Variants in C3orf20 observed in about 807,000 individuals in gnomAD.
C3orf20 encodes the protein uncharacterized protein C3orf20.
C3orf20 carries 76 observed loss-of-function variants against 88.3 expected under a neutral mutation model. The ratio of observed to expected loss-of-function variants is 0.86; its 90% CI spans 0.72 to 1.04. C3orf20 has a LOEUF of 1.04. Among genes scored for constraint, C3orf20 ranks in the 50% least tolerant of loss-of-function variants. The pLI is 0.00. For missense variants in C3orf20, 1,056 were observed against 1,123.3 expected (o/e 0.94, Z 0.86); for synonymous variants, 436 against 437.4 (o/e 1.00, Z 0.04).
chr3:14,691,031 C>G (rs1355137244), intron 5 of C3orf20, among the ~76,000 whole-genome samples: 1 of 152,248 alleles, frequency 6.6e-6, no homozygotes, highest in Non-Finnish European at 1.5e-5. Context: ...TATTTCATCA[C>G]TCACCATATC....
rs774931901 is a variant in C3orf20 at position 14,728,473 on chromosome 3, G to T, written c.1725G>T (p.Glu575Asp). ...CCATTGAATATCCCACCAAAAAGGA[G>T]GAGGAAGAATTTGTTCGGTTCAAGA... Reference protein sequence around the residue: ...LFTIEYPTKKEEEEFVRFKMR... With the variant: ...LFTIEYPTKKDEEEFVRFKMR... The change falls in exon 12 of 17, where the codon GAG becomes GAT. Residue 575 changes from glutamate to aspartate, a missense_variant. Transcript: ENST00000253697. The T allele has an allele frequency of 1.2e-6, 2 of 1,614,194 alleles. No individual in the cohort carries two copies. Among genetic ancestry groups the T allele is most frequent in the Non-Finnish European group, 1.7e-6 (2 of 1,180,028 alleles).
In C3orf20 at chr3:14,759,387, C is replaced by T. The variant is rs372663836; in HGVS notation, c.2245-504C>T. Among the ~76,000 whole-genome samples, 40 of 152,262 alleles carry T rather than the reference C, an allele frequency of 2.6e-4. 1 individual carries two copies. The South Asian group carries it at 2.9e-3, about 11-fold the overall frequency. ...GGCCAGCTTTCCTCTGAATTGCCCA[C>T]ACCCTACCTTGAGGTGTGGGTTCAG... On this transcript the variant is annotated intron_variant, in intron 13 of 16. Coordinates refer to ENST00000253697, the MANE Select transcript of C3orf20 (RefSeq NM_032137.5).
At chr3:14,679,949 A>G (rs1426093959) in intron 1 of C3orf20, among the ~76,000 whole-genome samples, 3 of 152,246 alleles carry the variant, frequency 2.0e-5, no homozygotes, top group African/African-American at 7.2e-5. Flanking sequence ...GGAAATACAA[A>G]TCAGAACCAC....
Position 14,759,776 on chromosome 3 carries a change from G to A in C3orf20, c.2245-115G>A, listed in dbSNP as rs2035499657. 5.1e-6 allele frequency: 4 copies of A among 778,786 alleles called. No individual in the cohort carries two copies. The Admixed American group carries it at 8.4e-5, about 16-fold the overall frequency. 48.2% of individuals were successfully genotyped at this position (778,786 alleles called of 1,614,324 possible). Reference sequence around the variant, plus strand: ...CTGGAGCAGGAGGAGTTGGGGAGAGGGAGTTGTACAGGGCTCCAGGACTCA... The same window carrying A: ...CTGGAGCAGGAGGAGTTGGGGAGAGAGAGTTGTACAGGGCTCCAGGACTCA... On this transcript the variant is annotated intron_variant, in intron 13 of 16. Transcript: ENST00000253697.
At chr3:14,763,120 G>A (rs2035605963) in intron 15 of C3orf20, among the ~76,000 whole-genome samples, 1 of 152,224 alleles carries the variant, frequency 6.6e-6, no homozygotes, top group Admixed American at 6.5e-5. Flanking sequence ...GGACAGGACA[G>A]GGGGACGCTA....
Position 14,683,115 on chromosome 3 carries a change from G to T in C3orf20, c.402G>T (p.Leu134=). 6.2e-7 allele frequency: 1 copy of T among 1,614,150 alleles called. No homozygotes were observed. The highest frequency in any genetic ancestry group is 8.5e-7 in the Non-Finnish European group (1 of 1,180,014). Residue 134 remains leucine (L), a synonymous_variant, in exon 3 of 17, where the codon CTG becomes CTT. Transcript: ENST00000253697. ...ARQVRTHQET[L]NRFQQQSIHL... is the part of the protein sequence containing the mutation. Reference sequence around the variant, plus strand: ...AGGTGCGCACCCACCAGGAGACCCTGAACAGGTTTCAGCAGCAGTCCATCC... The same window carrying T: ...AGGTGCGCACCCACCAGGAGACCCTTAACAGGTTTCAGCAGCAGTCCATCC...
At chr3:14,738,262 G>A (rs1282303569) in intron 12 of C3orf20, among the ~76,000 whole-genome samples, 2 of 149,790 alleles carry the variant, frequency 1.3e-5, no homozygotes, top group African/African-American at 2.5e-5. Context: ...CTGCCCCCCG[G>A]GTTCAAGCAA....
At chr3:14,761,677 G>C in intron 15 of C3orf20, 62 bp downstream of exon 15, 1 of 1,523,612 alleles carries the variant, frequency 6.6e-7, no homozygotes, top group South Asian at 1.1e-5. Flanking sequence ...GCAGAAAGGA[G>C]ACTTGGGCTG....
intron 13 of C3orf20, among the ~76,000 whole-genome samples, 183 bp downstream of exon 13, chr3:14,757,857 G>T (rs1369585554): frequency 1.3e-5 from 2 of 152,198 alleles, no homozygotes; most frequent in Non-Finnish European, 2.9e-5. Flanking sequence ...CCCTCCCCCT[G>T]CTTCTGTCCT....
intron 12 of C3orf20, among the ~76,000 whole-genome samples, chr3:14,746,960 A>T (rs1011630415): frequency 2.6e-5 from 4 of 152,238 alleles, no homozygotes; most frequent in African/African-American, 9.6e-5. Context: ...AGGGCAATTA[A>T]CTAAACAAAT....
At chr3:14,707,480 TGTG>T (rs1575111755) in intron 7 of C3orf20, among the ~76,000 whole-genome samples, 1 of 151,740 alleles carries the variant, frequency 6.6e-6, no homozygotes, top group East Asian at 1.9e-4. Flanking sequence ...TGTGTGTGTG[TGTG>T]TGTGTGTGTT....
In C3orf20 at chr3:14,685,272, A is replaced by G. The variant is rs1428895091; in HGVS notation, c.625+890A>G. Among the ~76,000 whole-genome samples, 4 of 152,212 alleles carry G rather than the reference A, an allele frequency of 2.6e-5. No homozygotes were observed. The South Asian group carries it at 6.2e-4, about 24-fold the overall frequency. ...TTCAAAGTTTAAAAGCATGGAAAGT[A>G]GTAATATATCATTTATAGGTACATT... On this transcript the variant is annotated intron_variant, in intron 4 of 16. Coordinates refer to ENST00000253697, the MANE Select transcript of C3orf20 (RefSeq NM_032137.5).
At chr3:14,770,326 C>G (rs1288874507) in intron 15 of C3orf20, among the ~76,000 whole-genome samples, 1 of 152,176 alleles carries the variant, frequency 6.6e-6, no homozygotes, top group Non-Finnish European at 1.5e-5. Context: ...TGCATACACC[C>G]AGATTCTGAG....
intron 4 of C3orf20, 115 bp downstream of exon 4, chr3:14,684,497 ATGT>A: frequency 7.5e-7 from 1 of 1,337,808 alleles, no homozygotes. Context: ...ATTGAGGTGG[ATGT>A]GGAGCAACAG....
chr3:14,732,854 C>A, intron 12 of C3orf20, among the ~76,000 whole-genome samples: 1 of 92,088 alleles, frequency 1.1e-5, no homozygotes. Context: ...GGTCTATGAT[C>A]CATTTTGAGT....
chr3:14,733,762 C>G (rs1163968908), intron 12 of C3orf20, among the ~76,000 whole-genome samples: 1 of 151,438 alleles, frequency 6.6e-6, no homozygotes, highest in Non-Finnish European at 1.5e-5. Context: ...CATCTTGGCT[C>G]AGGGCAACCT....
At chr3:14,762,182 C>T (rs2035582747) in intron 15 of C3orf20, among the ~76,000 whole-genome samples, 1 of 152,222 alleles carries the variant, frequency 6.6e-6, no homozygotes, top group Non-Finnish European at 1.5e-5. Context: ...AGTGATCCTC[C>T]TGCCTCAGCC....
Position 14,756,606 on chromosome 3 carries a change from G to A in C3orf20, c.1941-765G>A, listed in dbSNP as rs115824040. Reference sequence around the variant, plus strand: ...CAGAAAATCTCATTAAGAAGGTAACGTTTGGACAGAGCCTTGTGAGAGTGA... The same window carrying A: ...CAGAAAATCTCATTAAGAAGGTAACATTTGGACAGAGCCTTGTGAGAGTGA... On this transcript the variant is annotated intron_variant, in intron 12 of 16. Transcript: ENST00000253697. Among the ~76,000 whole-genome samples, 1,409 of 152,282 alleles carry A rather than the reference G, an allele frequency of 9.3e-3. 24 individuals carry two copies. The highest frequency in any genetic ancestry group is 0.032 in the African/African-American group (1,314 of 41,550).
intron 5 of C3orf20, among the ~76,000 whole-genome samples, chr3:14,699,277 C>T (rs890848278): frequency 4.6e-5 from 7 of 152,220 alleles, no homozygotes; most frequent in African/African-American, 1.4e-4. Context: ...AGGTGCAAGA[C>T]GAAGTCCTCT....
Sources: gnomAD v4.1 joint callset for allele counts (sites outside exome capture counted in the v4.1 genomes callset) on GRCh38, gnomAD v4.1.1 for gene constraint, MANE v1.5 for transcripts, NCBI Gene and HGNC (gene_info 2026-07-23, HGNC 2026-07-21) for gene names.